PDE4D: variants seen among roughly 807,000 people sequenced by gnomAD.
The protein encoded by PDE4D is 3',5'-cyclic-AMP phosphodiesterase 4D.
PDE4D carries 24 observed loss-of-function variants against 87.4 expected under a neutral mutation model. That is an observed-to-expected ratio of 0.27 (90% confidence interval 0.20 to 0.39). PDE4D has a LOEUF of 0.39. Ranked by LOEUF, PDE4D falls within the 10% of genes least tolerant of loss-of-function variation. The pLI is 1.00. For synonymous variants in PDE4D, 384 were observed against 383.2 expected, an observed-to-expected ratio of 1.00 and a Z score of -0.02; for missense variants, 714 against 1,041.0, an observed-to-expected ratio of 0.69 and a Z score of 4.32.
chr5:60,050,813 T>C (rs931814058), intron 2 of PDE4D, among the ~76,000 whole-genome samples: 5 of 152,060 alleles, frequency 3.3e-5, no homozygotes, highest in South Asian at 2.1e-4. Flanking sequence ...ACAACACACA[T>C]AGGCTCAAAA....
chr5:59,434,439 T>C (rs538400478), intron 1 of PDE4D, among the ~76,000 whole-genome samples: 1 of 152,130 alleles, frequency 6.6e-6, no homozygotes, highest in South Asian at 2.1e-4. Flanking sequence ...TTTCTGCTCA[T>C]ACCTGGACTG....
chr5:59,810,866 A>G (rs926814328), intron 1 of PDE4D, among the ~76,000 whole-genome samples: 4 of 152,252 alleles, frequency 2.6e-5, no homozygotes, highest in Non-Finnish European at 5.9e-5. Context: ...AAATCAAAAT[A>G]ATTTGTATCT....
intron 1 of PDE4D, among the ~76,000 whole-genome samples, chr5:60,305,204 T>C (rs1245842166): frequency 6.6e-6 from 1 of 151,934 alleles, no homozygotes; most frequent in Non-Finnish European, 1.5e-5. Flanking sequence ...TAAATTGGCC[T>C]TTATGAAAAG....
chr5:59,275,568 G>A (rs1401361515), intron 1 of PDE4D: 3 of 1,410,204 alleles, frequency 2.1e-6, no homozygotes, highest in Middle Eastern at 2.6e-4. Flanking sequence ...CCAGCTCATG[G>A]GCAAGGTTCT....
intron 2 of PDE4D, among the ~76,000 whole-genome samples, chr5:60,118,676 C>A (rs978025895): frequency 2.0e-5 from 3 of 151,826 alleles, no homozygotes; most frequent in Non-Finnish European, 4.4e-5. Context: ...CCACCTCTTA[C>A]TTTCCAACTA....
chr5:60,089,962 T>C (rs552047967), intron 2 of PDE4D, among the ~76,000 whole-genome samples: 1 of 151,242 alleles, frequency 6.6e-6, no homozygotes, highest in South Asian at 2.1e-4. Context: ...ACCATGAAGA[T>C]TGAACCCATG....
intron 1 of PDE4D, among the ~76,000 whole-genome samples, chr5:59,623,721 A>T (rs1432620497): frequency 6.6e-6 from 1 of 152,184 alleles, no homozygotes; most frequent in South Asian, 2.1e-4. Context: ...AGAAAAAAAG[A>T]TTAGTCATCT....
At chr5:59,955,881 T>C (rs1379639083) in intron 3 of PDE4D, among the ~76,000 whole-genome samples, 2 of 152,248 alleles carry the variant, frequency 1.3e-5, no homozygotes, top group African/African-American at 4.8e-5. Flanking sequence ...TGCTGCTTCT[T>C]ATTAAAGGGA....
At chr5:60,304,508 G>A (rs866062880) in intron 1 of PDE4D, among the ~76,000 whole-genome samples, 6 of 151,494 alleles carry the variant, frequency 4.0e-5, no homozygotes, top group Non-Finnish European at 5.9e-5. Flanking sequence ...AGCCGGGCGC[G>A]GTGGCGGGCG....
chr5:59,859,756 C>G (rs1745980706), intron 1 of PDE4D, among the ~76,000 whole-genome samples: 1 of 152,128 alleles, frequency 6.6e-6, no homozygotes, highest in African/African-American at 2.4e-5. Context: ...ACAAGTGAGG[C>G]ACTCATGAAA....
intron 1 of PDE4D, among the ~76,000 whole-genome samples, chr5:60,298,101 A>G (rs1753571727): frequency 6.6e-6 from 1 of 152,132 alleles, no homozygotes; most frequent in Non-Finnish European, 1.5e-5. Context: ...ATATAGTTTG[A>G]TGATTCTTTT....
chr5:59,762,092 T>C (rs897203968), intron 1 of PDE4D, among the ~76,000 whole-genome samples: 4 of 151,948 alleles, frequency 2.6e-5, no homozygotes, highest in African/African-American at 9.7e-5. Context: ...TTTTAAAAAA[T>C]GATCCAGGTA....
At chr5:59,984,900 C>T (rs932042792) in intron 3 of PDE4D, among the ~76,000 whole-genome samples, 2 of 151,992 alleles carry the variant, frequency 1.3e-5, no homozygotes, top group Admixed American at 6.6e-5. Flanking sequence ...CATGAAAAGT[C>T]GCCTTGACCA....
chr5:60,499,217 A>C (rs1022695524), intron 1 of PDE4D, among the ~76,000 whole-genome samples: 1 of 152,248 alleles, frequency 6.6e-6, no homozygotes, highest in East Asian at 1.9e-4. Flanking sequence ...GGCTTAGAAC[A>C]CAACAGTGGT....
intron 1 of PDE4D, among the ~76,000 whole-genome samples, chr5:59,729,021 C>T (rs1757004643): frequency 2.0e-5 from 3 of 152,022 alleles, no homozygotes; most frequent in African/African-American, 7.2e-5. Context: ...CCTACACAAC[C>T]CAAGATTATT....
chr5:59,879,250 C>T (rs1012203989), intron 1 of PDE4D, among the ~76,000 whole-genome samples: 4 of 152,186 alleles, frequency 2.6e-5, no homozygotes, highest in Non-Finnish European at 4.4e-5. Context: ...AATTTCCCTG[C>T]TTAAAACCAA....
chr5:60,092,756 A>G (rs1421712404), intron 2 of PDE4D, among the ~76,000 whole-genome samples: 1 of 152,270 alleles, frequency 6.6e-6, no homozygotes, highest in East Asian at 1.9e-4. Flanking sequence ...AGCCCATATC[A>G]CTGCCAGCTG....
chr5:59,583,221 G>A (rs1251262654), intron 1 of PDE4D, among the ~76,000 whole-genome samples: 1 of 152,182 alleles, frequency 6.6e-6, no homozygotes, highest in East Asian at 1.9e-4. Context: ...AGCTGAACAT[G>A]TTAGTCACAC....
intron 1 of PDE4D, among the ~76,000 whole-genome samples, chr5:59,389,659 G>A (rs1318359952): frequency 6.6e-6 from 1 of 152,116 alleles, no homozygotes; most frequent in African/African-American, 2.4e-5. Context: ...CATGTTTATT[G>A]CAGCACTATT....
Sources: gnomAD v4.1 joint callset for allele counts (sites outside exome capture counted in the v4.1 genomes callset) on GRCh38, gnomAD v4.1.1 for gene constraint, MANE v1.5 for transcripts, NCBI Gene and HGNC (gene_info 2026-07-23, HGNC 2026-07-21) for gene names.